RANBP3L: variants seen among roughly 807,000 people sequenced by gnomAD.
The protein encoded by RANBP3L is ran-binding protein 3-like.
A neutral mutation model predicts 67.2 loss-of-function variants in RANBP3L; 56 were observed. The ratio of observed to expected loss-of-function variants is 0.83; its 90% CI spans 0.67 to 1.04. The LOEUF is 1.04. RANBP3L is among the 50% of genes least tolerant of loss of function. The pLI is 0.00. For missense variants in RANBP3L, 496 were observed against 535.5 expected (o/e 0.93, Z 0.73); for synonymous variants, 164 against 181.4 (o/e 0.90, Z 0.77).
At chr5:36,264,062 C>G (rs1749579492) in intron 6 of RANBP3L, among the ~76,000 whole-genome samples, 1 of 152,166 alleles carries the variant, frequency 6.6e-6, no homozygotes, top group Non-Finnish European at 1.5e-5. Flanking sequence ...AAGTGCTGAT[C>G]AAGTTCAAGT....
At chr5:36,281,005 T>A (rs1463312847) in intron 1 of RANBP3L, among the ~76,000 whole-genome samples, 1 of 152,174 alleles carries the variant, frequency 6.6e-6, no homozygotes, top group Non-Finnish European at 1.5e-5. Flanking sequence ...TATAAAAATT[T>A]ACATTTGTGC....
chr5:36,285,133 A>G (rs1217824614), intron 1 of RANBP3L, among the ~76,000 whole-genome samples: 1 of 152,228 alleles, frequency 6.6e-6, no homozygotes, highest in Non-Finnish European at 1.5e-5. Flanking sequence ...TGTCTGGTAT[A>G]TAACAAACAC....
intron 13 of RANBP3L, among the ~76,000 whole-genome samples, 156 bp from the exon 14 acceptor site, chr5:36,249,853 T>C (rs1364627108): frequency 2.0e-5 from 3 of 152,008 alleles, no homozygotes; most frequent in Non-Finnish European, 4.4e-5. Flanking sequence ...CATTTAGAGA[T>C]GTTGCTAAAA....
chr5:36,254,508 AT>A (rs1293291241), intron 11 of RANBP3L, among the ~76,000 whole-genome samples: 1 of 150,560 alleles, frequency 6.6e-6, no homozygotes, highest in Non-Finnish European at 1.5e-5. Flanking sequence ...CTTTGGGGGT[AT>A]TTTTTTTTCT....
intron 1 of RANBP3L, among the ~76,000 whole-genome samples, chr5:36,291,869 A>ATG (rs909949460): frequency 6.2e-5 from 8 of 129,714 alleles, no homozygotes; most frequent in Non-Finnish European, 1.3e-4. Flanking sequence ...ATACGTGTGC[A>ATG]TGTGTCTTTA....
At chr5:36,269,285 T>C (rs1750038069) in intron 4 of RANBP3L, 105 bp downstream of exon 4, 2 of 716,340 alleles carry the variant, frequency 2.8e-6, no homozygotes, top group East Asian at 4.9e-5. Flanking sequence ...ATAAACACTA[T>C]TCAGCTGGCA....
intron 1 of RANBP3L, among the ~76,000 whole-genome samples, chr5:36,277,770 G>A (rs986476808): frequency 2.0e-5 from 3 of 152,038 alleles, no homozygotes; most frequent in African/African-American, 7.2e-5. Flanking sequence ...CACTATATTA[G>A]TCTGTTCTCA....
At position 36,260,698 on chromosome 5, in the gene RANBP3L, T is replaced by C. The variant is rs571612926; in HGVS notation, c.669+82A>G. The C allele has an allele frequency of 4.2e-4, 270 of 644,504 alleles. 6 individuals are homozygous for C. In the South Asian group the frequency reaches 5.2e-3, roughly 12 times the overall value. 39.9% of individuals were successfully genotyped at this position (644,504 alleles called of 1,614,324 possible). ...AGTTAAAAAGTATAATTCAATTTAA[T>C]ATTACTTTTAATTAATTTACCTTTA... is the stretch of plus-strand genomic sequence containing the variant. On this transcript the variant is annotated intron_variant, in intron 8 of 13. Coordinates refer to ENST00000296604, the MANE Select transcript of RANBP3L (RefSeq NM_145000.5).
intron 1 of RANBP3L, among the ~76,000 whole-genome samples, chr5:36,279,217 T>C (rs1750807131): frequency 6.6e-6 from 1 of 152,096 alleles, no homozygotes; most frequent in Non-Finnish European, 1.5e-5. Flanking sequence ...TATTTTAAGA[T>C]AGTTAGAGAA....
chr5:36,291,588 C>T (rs1000317218), intron 1 of RANBP3L, among the ~76,000 whole-genome samples: 242 of 151,964 alleles, frequency 1.6e-3, no homozygotes, highest in African/African-American at 5.7e-3. Flanking sequence ...TGTGATGTTC[C>T]CCTTCCTGTG....
chr5:36,272,135 A>T (rs1750261117), intron 1 of RANBP3L, among the ~76,000 whole-genome samples: 1 of 152,202 alleles, frequency 6.6e-6, no homozygotes, highest in Non-Finnish European at 1.5e-5. Context: ...CTGAAAAAAA[A>T]AAATCAAGAT....
At chr5:36,278,033 A>G (rs1032826902) in intron 1 of RANBP3L, among the ~76,000 whole-genome samples, 2 of 152,140 alleles carry the variant, frequency 1.3e-5, no homozygotes, top group Non-Finnish European at 2.9e-5. Context: ...CCATGATTCA[A>G]TAATTTCCCA....
intron 1 of RANBP3L, among the ~76,000 whole-genome samples, chr5:36,287,853 G>A (rs2112074035): frequency 6.6e-6 from 1 of 152,270 alleles, no homozygotes; most frequent in South Asian, 2.1e-4. Context: ...ATTTTCTCTT[G>A]AAGGTGTGAT....
intron 13 of RANBP3L, 65 bp from the exon 14 acceptor site, chr5:36,249,762 A>C: frequency 1.3e-6 from 1 of 762,770 alleles, no homozygotes; most frequent in Middle Eastern, 3.8e-4. Context: ...TTTAATATTG[A>C]ATGCAACTAA....
At chr5:36,297,423 G>GTA (rs1752301158) in intron 1 of RANBP3L, among the ~76,000 whole-genome samples, 1 of 90,942 alleles carries the variant, frequency 1.1e-5, no homozygotes, top group South Asian at 3.9e-4. Context: ...GGAGTCACCT[G>GTA]TATACACACA....
In RANBP3L at chr5:36,265,508, T is replaced by G. The variant is rs1489165384; in HGVS notation, c.281A>C (p.Asn94Thr). 1 of 1,596,036 alleles carries G rather than the reference T, an allele frequency of 6.3e-7. No individual in the cohort carries two copies. ...DSQSQGVRKN[N>T]VFMTSALVQS... is the part of the protein sequence containing the mutation. ...CACAAGAGCTGATGTCATAAAAACA[T>G]TGTTTTTCCTCACTGTAAGAAAAAA... is the stretch of plus-strand genomic sequence containing the variant. Residue 94 changes from asparagine to threonine, a missense_variant, in exon 5 of 14, where the codon AAT becomes ACT. Physicochemically the swap from Asn to Thr is moderately conservative, Grantham distance 65. Coordinates refer to ENST00000296604, the MANE Select transcript of RANBP3L (RefSeq NM_145000.5).
chr5:36,274,089 G>T (rs1365223532), intron 1 of RANBP3L, among the ~76,000 whole-genome samples: 1 of 152,034 alleles, frequency 6.6e-6, no homozygotes, highest in Non-Finnish European at 1.5e-5. Flanking sequence ...CTGACCACAC[G>T]CCAGCACCAG....
intron 1 of RANBP3L, among the ~76,000 whole-genome samples, chr5:36,277,966 C>A (rs918026378): frequency 4.6e-5 from 7 of 152,054 alleles, no homozygotes; most frequent in Non-Finnish European, 1.0e-4. Context: ...TATAAAACCA[C>A]CAGATCTCGT....
chr5:36,249,725 T>C, intron 13 of RANBP3L, 28 bp from the exon 14 acceptor site: 14 of 1,260,062 alleles, frequency 1.1e-5, no homozygotes, highest in Non-Finnish European at 1.6e-5. Context: ...AATGTTTTAT[T>C]ATACAATATT....
Sources: gnomAD v4.1 joint callset for allele counts (sites outside exome capture counted in the v4.1 genomes callset) on GRCh38, gnomAD v4.1.1 for gene constraint, MANE v1.5 for transcripts, NCBI Gene and HGNC (gene_info 2026-07-23, HGNC 2026-07-21) for gene names.